TSNARE1: variants seen among roughly 807,000 people sequenced by gnomAD.
The protein encoded by TSNARE1 is t-SNARE domain-containing protein 1.
Under a neutral mutation model 62.0 loss-of-function variants are expected in TSNARE1, and 49 were observed. The ratio of observed to expected loss-of-function variants is 0.79; its 90% CI spans 0.63 to 1.00. The LOEUF (loss-of-function observed/expected upper bound fraction) is 1.00, where lower values mean the gene tolerates loss of function less well. TSNARE1 is among the 50% of genes least tolerant of loss of function. The probability of loss-of-function intolerance (pLI) is 0.00; values close to 1 mark genes in which losing one functional copy is unlikely to be tolerated. For missense variants in TSNARE1, 755 were observed against 700.1 expected (o/e 1.08, Z -0.88); for synonymous variants, 328 against 294.4 (o/e 1.11, Z -1.17).
chr8:142,228,187 A>C (rs1458196331), intron 13 of TSNARE1, among the ~76,000 whole-genome samples: 1 of 152,264 alleles, frequency 6.6e-6, no homozygotes, highest in East Asian at 1.9e-4. Context: ...AGAGCCACCC[A>C]GCTAAGCCGC....
intron 3 of TSNARE1, among the ~76,000 whole-genome samples, chr8:142,345,111 A>G (rs1209282567): frequency 6.6e-6 from 1 of 152,224 alleles, no homozygotes; most frequent in Non-Finnish European, 1.5e-5. Flanking sequence ...GCAAGGGAAC[A>G]GGGCTGCACT....
At chr8:142,249,974 T>C (rs1318176942) in intron 12 of TSNARE1, among the ~76,000 whole-genome samples, 1 of 152,120 alleles carries the variant, frequency 6.6e-6, no homozygotes, top group Non-Finnish European at 1.5e-5. Context: ...AGCTCTGAGC[T>C]TGGGGAGTGG....
At chr8:142,277,704 T>C in intron 11 of TSNARE1, 16 of 985,324 alleles carry the variant, frequency 1.6e-5, no homozygotes, top group Non-Finnish European at 1.9e-5. Context: ...CACCAAAGAC[T>C]CCCGTGCTGC....
Position 142,278,835 on chromosome 8 carries a change from G to A in TSNARE1, c.1364-3972C>T, listed in dbSNP as rs1441990094. 17 of 978,360 alleles carry A rather than the reference G, an allele frequency of 1.7e-5. No homozygotes were observed. The East Asian group carries it at 1.3e-3, about 72-fold the overall frequency. 60.6% of individuals were successfully genotyped at this position (978,360 alleles called of 1,614,324 possible). ...AGGGAGGGGCCTGCAGAAGGAGGGG[G>A]AGGCCACTGCAGGCCAGAGTGAGGC... On this transcript the variant is annotated intron_variant, in intron 11 of 13. Transcript: ENST00000524325.
intron 10 of TSNARE1, among the ~76,000 whole-genome samples, chr8:142,297,589 G>A (rs936194611): frequency 3.0e-4 from 45 of 152,298 alleles, no homozygotes; most frequent in African/African-American, 1.0e-3. Context: ...ACAGGAAAGG[G>A]CTACAGCCAG....
intron 12 of TSNARE1, chr8:142,270,953 G>T: frequency 1.0e-6 from 1 of 985,456 alleles, no homozygotes; most frequent in Non-Finnish European, 1.2e-6. Context: ...TCATCCTTCC[G>T]GTCTCCTGGA....
intron 1 of TSNARE1, among the ~76,000 whole-genome samples, chr8:142,393,180 T>C (rs1489212034): frequency 2.0e-5 from 3 of 152,170 alleles, no homozygotes; most frequent in African/African-American, 7.2e-5. Context: ...TCCTGGCCCC[T>C]GCAGCAGCCC....
Position 142,343,971 on chromosome 8 carries a change from G to A in TSNARE1, c.740C>T (p.Pro247Leu), listed in dbSNP as rs1832993762. 6.6e-7 allele frequency: 1 copy of A among 1,525,818 alleles called. No homozygotes were observed. The highest frequency in any genetic ancestry group is 1.3e-5 in the South Asian group (1 of 76,862). 94.5% of individuals were successfully genotyped at this position (1,525,818 alleles called of 1,614,324 possible). ...LPSEGFSLEP[P>L]RATQVDPCNL... ...GAGCTGAGCAAGGAACTCACCTCTGGGCGGCTCCAGACTGAAGCCCTCGGA... is the reference window on the plus strand; with the variant it reads ...GAGCTGAGCAAGGAACTCACCTCTGAGCGGCTCCAGACTGAAGCCCTCGGA... The change falls in exon 4 of 14, where the codon CCC becomes CTC. Residue 247 changes from proline (P) to leucine (L), a missense_variant. Pro to Leu is a moderately conservative substitution (Grantham distance 98). Transcript: ENST00000524325.
At chr8:142,342,124 G>C (rs939932610) in intron 4 of TSNARE1, among the ~76,000 whole-genome samples, 1 of 152,242 alleles carries the variant, frequency 6.6e-6, no homozygotes, top group Non-Finnish European at 1.5e-5. Context: ...GGCCAAAGAG[G>C]GGCTCCCCCA....
chr8:142,379,701 C>T (rs918018682), intron 1 of TSNARE1, among the ~76,000 whole-genome samples: 1 of 152,168 alleles, frequency 6.6e-6, no homozygotes, highest in Non-Finnish European at 1.5e-5. Context: ...CAGTGCTCCG[C>T]CCAAGCCCCC....
At chr8:142,295,496 A>G (rs28396985) in intron 10 of TSNARE1, among the ~76,000 whole-genome samples, 36,788 of 152,226 alleles carry the variant, frequency 0.24, 5,070 homozygotes, top group African/African-American at 0.37. Flanking sequence ...GGAGAGTCCC[A>G]GCACCATGGA....
intron 12 of TSNARE1, among the ~76,000 whole-genome samples, chr8:142,232,205 G>A (rs1817151652): frequency 6.6e-6 from 1 of 152,254 alleles, no homozygotes; most frequent in East Asian, 1.9e-4. Context: ...TGGTGCATGG[G>A]AAGAACTTGG....
chr8:142,241,573 A>G (rs1366190735), intron 12 of TSNARE1, among the ~76,000 whole-genome samples: 1 of 152,242 alleles, frequency 6.6e-6, no homozygotes, highest in Non-Finnish European at 1.5e-5. Flanking sequence ...AACAGATGAA[A>G]GCTGGAGAGG....
At chr8:142,367,480 A>G (rs754319551) in intron 1 of TSNARE1, among the ~76,000 whole-genome samples, 1 of 151,280 alleles carries the variant, frequency 6.6e-6, no homozygotes, top group African/African-American at 2.4e-5. Context: ...CGCAAGACGC[A>G]AATCTACAGA....
At chr8:142,304,875 T>C (rs1255459620) in intron 9 of TSNARE1, among the ~76,000 whole-genome samples, 1 of 152,170 alleles carries the variant, frequency 6.6e-6, no homozygotes. Context: ...GGCATGACGG[T>C]TGAGCACAGC....
chr8:142,309,672 T>C (rs939607250), intron 9 of TSNARE1, among the ~76,000 whole-genome samples: 2 of 152,212 alleles, frequency 1.3e-5, no homozygotes, highest in Non-Finnish European at 2.9e-5. Flanking sequence ...TTAGGACTTT[T>C]GTGTCTATGT....
intron 12 of TSNARE1, among the ~76,000 whole-genome samples, chr8:142,257,083 C>G (rs1818623008): frequency 6.6e-6 from 1 of 152,202 alleles, no homozygotes; most frequent in African/African-American, 2.4e-5. Context: ...TACCCATCCC[C>G]CAATCACCAT....
At chr8:142,335,879 G>A (rs4427288) in intron 4 of TSNARE1, among the ~76,000 whole-genome samples, 41,166 of 152,112 alleles carry the variant, frequency 0.27, 7,110 homozygotes, top group African/African-American at 0.49. Context: ...TGGCTGTCAC[G>A]ATGAAGAATG....
At chr8:142,331,101 G>T in intron 5 of TSNARE1, 131 bp from the exon 6 acceptor site, 1 of 746,174 alleles carries the variant, frequency 1.3e-6, no homozygotes, top group Non-Finnish European at 2.2e-6. Context: ...AGCCAGGGCA[G>T]ACCACCTAAG....
Sources: allele counts gnomAD v4.1 joint callset (sites outside exome capture counted in the v4.1 genomes callset), GRCh38; gene constraint gnomAD v4.1.1; transcripts MANE v1.5; gene names NCBI Gene and HGNC (gene_info 2026-07-23, HGNC 2026-07-21).